TIMM23B: variants seen among roughly 807,000 people sequenced by gnomAD.
TIMM23B encodes the protein mitochondrial import inner membrane translocase subunit Tim23B.
A neutral mutation model predicts 27.3 loss-of-function variants in TIMM23B; 27 were observed. The observed-to-expected ratio is 0.99, with a 90% confidence interval of 0.73 to 1.36. The LOEUF (loss-of-function observed/expected upper bound fraction) is 1.36, where lower values mean the gene tolerates loss of function less well. TIMM23B is among the 40% of genes most tolerant of loss of function. TIMM23B has a pLI of 0.00. For synonymous variants in TIMM23B, 73 were observed against 92.4 expected (o/e 0.79, Z 1.21); for missense variants, 205 against 244.2 (o/e 0.84, Z 1.07).
chr10:49,946,490 C>T (rs1839359607), intron 2 of TIMM23B, among the ~76,000 whole-genome samples: 2 of 152,116 alleles, frequency 1.3e-5, no homozygotes, highest in African/African-American at 4.8e-5. Context: ...AACTAATGAT[C>T]GAGTTCAGCA....
chr10:49,944,290 A>G (rs1437779392), intron 1 of TIMM23B, among the ~76,000 whole-genome samples: 5 of 152,242 alleles, frequency 3.3e-5, no homozygotes, highest in African/African-American at 9.6e-5. Flanking sequence ...GATGGTAGCA[A>G]TAGAGAAGAT....
intron 5 of TIMM23B, among the ~76,000 whole-genome samples, chr10:49,955,740 A>C (rs1253773567): frequency 2.0e-4 from 30 of 152,326 alleles, no homozygotes; most frequent in Admixed American, 2.0e-3. Flanking sequence ...AGGGGAAGAC[A>C]TAGAAAACTC....
chr10:49,948,365 A>G (rs1292528004), intron 2 of TIMM23B, among the ~76,000 whole-genome samples: 2 of 152,074 alleles, frequency 1.3e-5, no homozygotes, highest in East Asian at 3.8e-4. Flanking sequence ...TCACTTGCGT[A>G]TACTCCATAC....
intron 6 of TIMM23B, among the ~76,000 whole-genome samples, chr10:49,963,865 T>A (rs1554854970): frequency 6.6e-6 from 1 of 152,110 alleles, no homozygotes; most frequent in Admixed American, 6.5e-5. Flanking sequence ...CTTGGGAGGC[T>A]GAGAGAGGAG....
At chr10:49,969,410 C>T (rs1482934599) in intron 6 of TIMM23B, among the ~76,000 whole-genome samples, 1 of 142,676 alleles carries the variant, frequency 7.0e-6, no homozygotes, top group Admixed American at 7.4e-5. Flanking sequence ...GCACTCTAGC[C>T]TGGGCGACAG....
At position 49,960,251 on chromosome 10, in the gene TIMM23B, A is replaced by G. The variant is rs1258767506; in HGVS notation, c.514+1771A>G. ...TCTTTTTCGGAGATGGGGTCTCACT[A>G]TGTTGCCCAGGCTGGTCTTGAACTC... is the stretch of plus-strand genomic sequence containing the variant. On this transcript the variant is annotated intron_variant, in intron 6 of 6. Transcript: ENST00000651259. Among the ~76,000 whole-genome samples, 875 of 147,522 alleles carry G rather than the reference A, an allele frequency of 5.9e-3. 5 individuals carry two copies. Among genetic ancestry groups the G allele is most frequent in the Admixed American group, 0.011 (156 of 14,678 alleles).
rs1839368684 is a variant in TIMM23B, at chr10:49,946,824, A to G, written c.165+1734A>G. Among the ~76,000 whole-genome samples the G allele has an allele frequency of 3.3e-5, 5 of 149,498 alleles. No individual in the cohort carries two copies. The South Asian group carries it at 1.1e-3, about 32-fold the overall frequency. ...TTGACAAGCTTTTATCCTAAAATTC[A>G]TATGGAAATTCAGGGGACATAGAAT... On this transcript the variant is annotated intron_variant, in intron 2 of 6. Transcript: ENST00000651259.
At chr10:49,955,351 C>T (rs1839680446) in intron 5 of TIMM23B, among the ~76,000 whole-genome samples, 6 of 152,152 alleles carry the variant, frequency 3.9e-5, no homozygotes, top group African/African-American at 1.4e-4. Flanking sequence ...AAATGAAATC[C>T]AGATAATTTA....
chr10:49,955,522 G>C (rs1207540702), intron 5 of TIMM23B, among the ~76,000 whole-genome samples: 5 of 152,214 alleles, frequency 3.3e-5, no homozygotes, highest in Non-Finnish European at 5.9e-5. Context: ...ATTGGAATAG[G>C]TTCCTTGTAG....
At chr10:49,962,625 T>C (rs1336114686) in intron 6 of TIMM23B, among the ~76,000 whole-genome samples, 4 of 152,186 alleles carry the variant, frequency 2.6e-5, no homozygotes, top group African/African-American at 7.2e-5. Context: ...TTATTCTTGC[T>C]GTTACCATTT....
intron 2 of TIMM23B, 53 bp downstream of exon 2, chr10:49,945,143 A>C: frequency 6.3e-7 from 1 of 1,592,396 alleles, no homozygotes; most frequent in East Asian, 2.2e-5. Context: ...TTTTAAAAAA[A>C]CGCCAAGTGC....
intron 2 of TIMM23B, among the ~76,000 whole-genome samples, chr10:49,950,546 C>T (rs1364395428): frequency 3.5e-3 from 361 of 104,572 alleles, no homozygotes; most frequent in Middle Eastern, 0.014. Flanking sequence ...GTTTTCTTTT[C>T]TTTTTTTTTT....
intron 6 of TIMM23B, among the ~76,000 whole-genome samples, chr10:49,963,777 C>T (rs1236696034): frequency 6.6e-6 from 1 of 152,152 alleles, no homozygotes; most frequent in African/African-American, 2.4e-5. Flanking sequence ...ACCAGCCTGG[C>T]CAACATGATG....
At chr10:49,949,190 G>A (rs1189513138) in intron 2 of TIMM23B, among the ~76,000 whole-genome samples, 2 of 123,456 alleles carry the variant, frequency 1.6e-5, no homozygotes, top group Admixed American at 8.5e-5. Context: ...GAGCCACCAT[G>A]CCTGGCCTTT....
At chr10:49,945,246 C>A (rs1278934756) in intron 2 of TIMM23B, among the ~76,000 whole-genome samples, 156 bp downstream of exon 2, 1 of 152,094 alleles carries the variant, frequency 6.6e-6, no homozygotes, top group Non-Finnish European at 1.5e-5. Context: ...AGGAGCTTGG[C>A]CTGCATCTCT....
In TIMM23B at chr10:49,942,260, C is replaced by T. The variant is rs1265800511; in HGVS notation, c.66C>T (p.Gly22=). ...TATTGGCCGGCTTTTTCGGAGCCGG[C>T]GAAGCAGGTTACTCGCACGCGGATT... ...TGVLAGFFGA[G]EAGYSHADLA... is the part of the protein sequence containing the mutation. The change falls in exon 1 of 7, where the codon GGC becomes GGT. Residue 22 remains glycine (G), a synonymous_variant. Transcript: ENST00000651259. The T allele has an allele frequency of 3.0e-5, 48 of 1,612,446 alleles. No homozygotes were observed. In the East Asian group the frequency reaches 1.0e-3, roughly 34 times the overall value.
At chr10:49,969,157 T>C (rs1589051924) in intron 6 of TIMM23B, among the ~76,000 whole-genome samples, 2 of 152,342 alleles carry the variant, frequency 1.3e-5, no homozygotes, top group East Asian at 3.9e-4. Context: ...AACAGCATAT[T>C]ATTCACAACA....
In TIMM23B at chr10:49,942,155, T is replaced by C; in HGVS notation, c.-40T>C. ...TAACGGCCCAGCGGACCACCCAGGC[T>C]TGAGGCAGCGGCGGGAACCACTCGG... On this transcript the variant is annotated 5_prime_UTR_variant, in exon 1 of 7. Coordinates refer to ENST00000651259, the MANE Select transcript of TIMM23B (RefSeq NM_001290117.2). The C allele has an allele frequency of 6.4e-6, 10 of 1,572,220 alleles. No individual in the cohort carries two copies. Among genetic ancestry groups the C allele is most frequent in the Non-Finnish European group, 6.1e-6 (7 of 1,156,664 alleles).
chr10:49,973,120 A>C lies in TIMM23B; in HGVS notation c.*56A>C. Reference sequence around the variant, plus strand: ...ACTGGTGAAGTACTGAGAAGAAGCTACACAAAAGGCAGCAAAGTATTAGTA... The same window carrying C: ...ACTGGTGAAGTACTGAGAAGAAGCTCCACAAAAGGCAGCAAAGTATTAGTA... On this transcript the variant is annotated 3_prime_UTR_variant, in exon 7 of 7. Coordinates refer to ENST00000651259, the MANE Select transcript of TIMM23B (RefSeq NM_001290117.2). The C allele has an allele frequency of 6.8e-7, 1 of 1,476,068 alleles. No individual in the cohort carries two copies. Among genetic ancestry groups the C allele is most frequent in the Non-Finnish European group, 9.1e-7 (1 of 1,095,954 alleles). 91.4% of individuals were successfully genotyped at this position (1,476,068 alleles called of 1,614,324 possible).
Sources: allele counts gnomAD v4.1 joint callset (sites outside exome capture counted in the v4.1 genomes callset), GRCh38; gene constraint gnomAD v4.1.1; transcripts MANE v1.5; gene names NCBI Gene and HGNC (gene_info 2026-07-23, HGNC 2026-07-21).